The following HTT variants were observed in gnomAD, a reference collection of about 807,000 sequenced individuals.
The protein encoded by HTT is huntingtin.
HTT carries 104 observed loss-of-function variants against 362.3 expected under a neutral mutation model. The ratio of observed to expected loss-of-function variants is 0.29; its 90% confidence interval spans 0.24 to 0.34. HTT has a LOEUF of 0.34. Ranked by LOEUF, HTT falls within the 10% of genes least tolerant of loss-of-function variation. The pLI, the probability that HTT is intolerant of heterozygous loss-of-function variation, is 1.00. For missense variants in HTT, 3,301 were observed against 3,928.6 expected (o/e 0.84, Z 4.27); for synonymous variants, 1,577 against 1,548.7 (o/e 1.02, Z -0.43).
At chr4:3,127,718 CT>C (rs1295571541) in intron 12 of HTT, 114 bp downstream of exon 12, 6 of 736,408 alleles carry the variant, frequency 8.1e-6, no homozygotes, top group Non-Finnish European at 1.3e-5. Flanking sequence ...AATCCCAGCA[CT>C]TTGGGAGACT....
intron 2 of HTT, among the ~76,000 whole-genome samples, chr4:3,093,639 C>T (rs991434202): frequency 6.6e-6 from 1 of 152,028 alleles, no homozygotes; most frequent in African/African-American, 2.4e-5. Context: ...TGGGTAGGCA[C>T]TAAATGCAAT....
intron 40 of HTT, among the ~76,000 whole-genome samples, chr4:3,197,600 G>A (rs905720858): frequency 1.3e-5 from 2 of 152,046 alleles, no homozygotes; most frequent in Non-Finnish European, 1.5e-5. Context: ...GTGCAGTGCT[G>A]AGCCCTTTAC....
At chr4:3,107,137 C>T in intron 5 of HTT, 148 bp from the exon 6 acceptor site, 1 of 679,730 alleles carries the variant, frequency 1.5e-6, no homozygotes, top group Non-Finnish European at 2.5e-6. Flanking sequence ...ATCCACATTT[C>T]ATCCTCCTGT....
chr4:3,193,252 T>G (rs1719100811), intron 40 of HTT, among the ~76,000 whole-genome samples: 1 of 152,242 alleles, frequency 6.6e-6, no homozygotes, highest in Non-Finnish European at 1.5e-5. Context: ...TGGACTCTAG[T>G]TTTTGAGCCT....
At position 3,206,753 on chromosome 4, in the gene HTT, T is replaced by C. The variant is rs1019563141; in HGVS notation, c.5899-54T>C. 1.3e-6 allele frequency: 2 copies of C among 1,588,160 alleles called. No homozygotes were observed. The highest frequency in any genetic ancestry group is 1.7e-6 in the Non-Finnish European group (2 of 1,165,158). On this transcript the variant is annotated intron_variant, in intron 43 of 66. Transcript: ENST00000355072. The surrounding 1 kb of genome is among the most constrained non-coding windows in gnomAD (Gnocchi z 4.6). Reference sequence around the variant, plus strand: ...AATGGAGTATTGAAATTTTTAACTTTAATTTCTGATTTGCAAAATAGTCAT... The same window carrying C: ...AATGGAGTATTGAAATTTTTAACTTCAATTTCTGATTTGCAAAATAGTCAT...
chr4:3,165,539 C>G (rs983220194), intron 29 of HTT, among the ~76,000 whole-genome samples: 1 of 152,192 alleles, frequency 6.6e-6, no homozygotes, highest in Non-Finnish European at 1.5e-5. Context: ...CCATCACTTT[C>G]AGGTACACCA....
At position 3,182,411 on chromosome 4, in the gene HTT, T is replaced by G. The variant is rs1718568300; in HGVS notation, c.4807T>G (p.Trp1603Gly). ...GTGCCACAAGGAGAATGAAGACAAG[T>G]GGAAGCGACTGTCTCGACAGATAGC... ...QQCHKENEDK[W>G]KRLSRQIADI... Residue 1603 changes from tryptophan to glycine, a missense_variant, in exon 37 of 67, where the codon TGG becomes GGG. Physicochemically the swap from Trp to Gly is radical, Grantham distance 184 (BLOSUM62 -2). Transcript: ENST00000355072. 6.2e-7 allele frequency: 1 copy of G among 1,613,972 alleles called. No individual in the cohort carries two copies. The highest frequency in any genetic ancestry group is 1.7e-5 in the Admixed American group (1 of 59,998).
intron 60 of HTT, among the ~76,000 whole-genome samples, chr4:3,231,554 C>A (rs966548841): frequency 6.6e-6 from 1 of 152,178 alleles, no homozygotes; most frequent in Non-Finnish European, 1.5e-5. Context: ...CTTGACTGCT[C>A]TTGCCTAGAC....
intron 42 of HTT, 47 bp downstream of exon 42, chr4:3,204,195 G>T (rs781695313): frequency 1.2e-5 from 19 of 1,604,896 alleles, no homozygotes; most frequent in Non-Finnish European, 2.6e-6. Flanking sequence ...GTGGGGACCA[G>T]GAGAACATCC....
At chr4:3,182,587 G>A in intron 37 of HTT, 117 bp downstream of exon 37, 1 of 700,070 alleles carries the variant, frequency 1.4e-6, no homozygotes, top group Non-Finnish European at 2.6e-6. Context: ...CTTGATAGCA[G>A]TTCTCCGTGC....
At chr4:3,172,726 G>A (rs1355764508) in intron 30 of HTT, among the ~76,000 whole-genome samples, 182 bp from the exon 31 acceptor site, 3 of 152,094 alleles carry the variant, frequency 2.0e-5, no homozygotes, top group Admixed American at 6.5e-5. Flanking sequence ...CCTATTTAAG[G>A]TACAAACAGC....
At chr4:3,134,253 C>T in intron 18 of HTT, 148 bp from the exon 19 acceptor site, 1 of 612,318 alleles carries the variant, frequency 1.6e-6, no homozygotes, top group East Asian at 2.7e-5. Context: ...AATCAATGTT[C>T]TTGAGAGGTG....
intron 41 of HTT, among the ~76,000 whole-genome samples, chr4:3,203,783 C>T (rs1719706928): frequency 6.6e-6 from 1 of 152,198 alleles, no homozygotes; most frequent in Non-Finnish European, 1.5e-5. Context: ...TTTTAATTTT[C>T]TGCCTGTTAA....
intron 6 of HTT, 85 bp downstream of exon 6, chr4:3,107,508 C>G (rs952466737): frequency 1.0e-5 from 14 of 1,361,900 alleles, no homozygotes; most frequent in Admixed American, 9.0e-5. Flanking sequence ...ACAGGGAGTC[C>G]TGTGGGAGTG....
chr4:3,196,701 G>A (rs1719272443), intron 40 of HTT, among the ~76,000 whole-genome samples: 1 of 150,430 alleles, frequency 6.6e-6, no homozygotes, highest in Non-Finnish European at 1.5e-5. Flanking sequence ...TCGTGCCACT[G>A]TACTCCAGTC....
chr4:3,198,371 C>T (rs1359291818), intron 40 of HTT, among the ~76,000 whole-genome samples: 2 of 151,884 alleles, frequency 1.3e-5, no homozygotes, highest in Admixed American at 1.3e-4. Context: ...ATTACAGGCA[C>T]CCGCCACCAC....
At chr4:3,187,167 T>C (rs1578571480) in intron 38 of HTT, among the ~76,000 whole-genome samples, 2 of 148,792 alleles carry the variant, frequency 1.3e-5, no homozygotes, top group African/African-American at 5.0e-5. Flanking sequence ...CCTTTTTATT[T>C]TTTTTGGAGA....
chr4:3,117,128 A>G (rs1023158764), intron 8 of HTT, among the ~76,000 whole-genome samples: 7 of 152,212 alleles, frequency 4.6e-5, no homozygotes, highest in Admixed American at 4.6e-4. Flanking sequence ...TAAACAGCTG[A>G]GCAAAAGTGG....
chr4:3,229,147 C>T lies in HTT; in HGVS notation c.8109+138C>T, dbSNP rs1721074567. On this transcript the variant is annotated intron_variant, in intron 59 of 66. Transcript: ENST00000355072. ...TCATGCATGCAACACACACACAGGC[C>T]ACACGCACCATAGACACCACACACA... is the stretch of plus-strand genomic sequence containing the variant. 5 of 786,596 alleles carry T rather than the reference C, an allele frequency of 6.4e-6. No individual in the cohort carries two copies. In the East Asian group the frequency reaches 1.4e-4, roughly 21 times the overall value. The allele number at this position is 786,596 out of a possible 1,614,324, so 48.7% of individuals were successfully genotyped here.
Sources: allele counts gnomAD v4.1 joint callset (sites outside exome capture counted in the v4.1 genomes callset), GRCh38; gene constraint gnomAD v4.1.1; non-coding constraint Gnocchi (gnomAD v3.1); transcripts MANE v1.5; gene names NCBI Gene and HGNC (gene_info 2026-07-23, HGNC 2026-07-21).